INTS9: variants seen among roughly 807,000 people sequenced by gnomAD.
INTS9 encodes the protein integrator complex subunit 9.
In INTS9, 55 loss-of-function variants were observed where a neutral mutation model predicts 79.7. That is an observed-to-expected ratio of 0.69 (90% CI 0.56 to 0.86). INTS9 has a LOEUF of 0.86. Ranked by LOEUF, INTS9 falls within the 40% of genes least tolerant of loss-of-function variation. The pLI is 0.00. For synonymous variants in INTS9, 319 were observed against 325.2 expected (o/e 0.98, Z 0.20); for missense variants, 721 against 831.5 (o/e 0.87, Z 1.64).
In INTS9 at chr8:28,846,920, G is replaced by A. The variant is rs1585464417; in HGVS notation, c.199-111C>T. On this transcript the variant is annotated intron_variant, in intron 3 of 16. Transcript: ENST00000521022. Reference sequence around the variant, plus strand: ...TCATGAAGAATCATAGACTACTAGAGCTGGAGGGAAGCTGGGAGGTTATTA... The same window carrying A: ...TCATGAAGAATCATAGACTACTAGAACTGGAGGGAAGCTGGGAGGTTATTA... 6 of 812,596 alleles carry A rather than the reference G, an allele frequency of 7.4e-6. No homozygotes were observed. In the East Asian group the frequency reaches 1.5e-4, roughly 20 times the overall value. The allele number at this position is 812,596 out of a possible 1,614,324, so 50.3% of individuals were successfully genotyped here.
rs150093692 is a variant in INTS9 at position 28,831,028 on chromosome 8, T to A, written c.488+4264A>T. ...TGCAAGTGTATGTTCATTGCAGCCC[T>A]ATTCACAATAGCAAAGATATGGACT... On this transcript the variant is annotated intron_variant, in intron 6 of 16. Coordinates refer to ENST00000521022, the MANE Select transcript of INTS9 (RefSeq NM_018250.4). 7.2e-4 allele frequency among the ~76,000 whole-genome samples: 109 copies of A among 152,316 alleles called. 1 individual carries two copies. The highest frequency in any genetic ancestry group is 2.5e-3 in the African/African-American group (103 of 41,568).
chr8:28,833,166 A>G (rs1351853389), intron 6 of INTS9, among the ~76,000 whole-genome samples: 1 of 152,212 alleles, frequency 6.6e-6, no homozygotes, highest in African/African-American at 2.4e-5. Flanking sequence ...CTAGCTACAT[A>G]TTTATATTCT....
intron 1 of INTS9, among the ~76,000 whole-genome samples, chr8:28,881,318 G>T (rs1470933936): frequency 8.1e-6 from 1 of 123,210 alleles, no homozygotes. Context: ...TCAGCCCCCC[G>T]CCTGGCCAGC....
At chr8:28,812,537 C>T in intron 7 of INTS9, 76 bp from the exon 8 acceptor site, 2 of 1,490,814 alleles carry the variant, frequency 1.3e-6, no homozygotes, top group East Asian at 2.3e-5. Flanking sequence ...CAGGGAAAAA[C>T]AACAGAAATA....
intron 1 of INTS9, among the ~76,000 whole-genome samples, chr8:28,887,342 A>T (rs938318528): frequency 6.6e-6 from 1 of 152,204 alleles, no homozygotes; most frequent in East Asian, 1.9e-4. Flanking sequence ...GAGGGTTAAG[A>T]CTGAATGCAG....
intron 8 of INTS9, among the ~76,000 whole-genome samples, chr8:28,807,498 T>C (rs925076295): frequency 7.2e-5 from 11 of 152,156 alleles, no homozygotes; most frequent in Admixed American, 3.3e-4. Context: ...ATTCACCAAC[T>C]CATTCCTGGA....
intron 5 of INTS9, among the ~76,000 whole-genome samples, chr8:28,836,772 C>T (rs1327620050): frequency 2.6e-5 from 4 of 152,112 alleles, no homozygotes; most frequent in Non-Finnish European, 5.9e-5. Context: ...CCTATGAGAG[C>T]CCTTCCTCAG....
Position 28,812,467 on chromosome 8 carries a change from AG to A in INTS9, c.610-7del, listed in dbSNP as rs772936708. The A allele has an allele frequency of 2.5e-6, 4 of 1,612,842 alleles. No individual in the cohort carries two copies. In the African/African-American group the frequency reaches 5.3e-5, roughly 22 times the overall value. On this transcript the variant is annotated splice_region_variant and splice_polypyrimidine_tract_variant and intron_variant, in intron 7 of 16. Transcript: ENST00000521022. ...TGGACCGCACCAAAAAGCTCCTAAA[AG>A]AGAACCACAGTAAGAATGTGCAATG...
chr8:28,841,744 T>C (rs142994341), intron 4 of INTS9, among the ~76,000 whole-genome samples: 14 of 152,144 alleles, frequency 9.2e-5, no homozygotes, highest in Non-Finnish European at 1.9e-4. Context: ...ATACTATATA[T>C]GGTATTCTTA....
At chr8:28,796,461 C>CATTATTGTAAAATATTATATTT in intron 9 of INTS9, 83 bp downstream of exon 9, 1 of 775,976 alleles carries the variant, frequency 1.3e-6, no homozygotes, top group Non-Finnish European at 2.2e-6. Context: ...CTCCTTCCCC[C>CATTATTGTAAAATATTATATTT]ATTATTGTAA....
intron 1 of INTS9, among the ~76,000 whole-genome samples, chr8:28,887,224 A>T (rs1401630867): frequency 6.6e-6 from 1 of 152,170 alleles, no homozygotes; most frequent in African/African-American, 2.4e-5. Context: ...ATATTCAACC[A>T]AGTTAAGTGT....
At chr8:28,825,388 C>G (rs1806088763) in intron 6 of INTS9, among the ~76,000 whole-genome samples, 1 of 152,222 alleles carries the variant, frequency 6.6e-6, no homozygotes. Context: ...CAGGGCCCTG[C>G]AACAGTCATT....
At chr8:28,830,308 G>T (rs1806403083) in intron 6 of INTS9, among the ~76,000 whole-genome samples, 1 of 152,078 alleles carries the variant, frequency 6.6e-6, no homozygotes, top group Non-Finnish European at 1.5e-5. Context: ...TATTTTAAAA[G>T]AACTCTTTCA....
intron 8 of INTS9, among the ~76,000 whole-genome samples, chr8:28,810,604 C>T (rs182579321): frequency 1.3e-5 from 2 of 149,538 alleles, no homozygotes; most frequent in Non-Finnish European, 1.5e-5. Context: ...AAGACCTTCT[C>T]TCTCTCTCTC....
chr8:28,802,686 C>T (rs1804587499), intron 8 of INTS9, among the ~76,000 whole-genome samples: 2 of 152,136 alleles, frequency 1.3e-5, no homozygotes, highest in Admixed American at 6.5e-5. Flanking sequence ...AAACAATAAA[C>T]AAACTAAACC....
At chr8:28,861,593 A>G (rs1808463205) in intron 1 of INTS9, among the ~76,000 whole-genome samples, 1 of 152,260 alleles carries the variant, frequency 6.6e-6, no homozygotes, top group Admixed American at 6.5e-5. Flanking sequence ...ACATTTTTAT[A>G]ATCAGAAAAA....
chr8:28,768,977 G>C (rs991894254), intron 16 of INTS9, among the ~76,000 whole-genome samples: 1 of 152,178 alleles, frequency 6.6e-6, no homozygotes, highest in African/African-American at 2.4e-5. Context: ...CAGGACATAG[G>C]CTGGGCCAGG....
chr8:28,855,713 A>G (rs1808113190), intron 2 of INTS9, among the ~76,000 whole-genome samples: 1 of 152,246 alleles, frequency 6.6e-6, no homozygotes, highest in Non-Finnish European at 1.5e-5. Flanking sequence ...AACGGGTTAC[A>G]TAGTGAATTA....
At chr8:28,823,491 C>T (rs1349296480) in intron 6 of INTS9, among the ~76,000 whole-genome samples, 27 of 152,202 alleles carry the variant, frequency 1.8e-4, no homozygotes, top group Admixed American at 2.0e-4. Flanking sequence ...TTGTCCAACT[C>T]GGTGTCTGTG....
Sources: gnomAD v4.1 joint callset for allele counts (sites outside exome capture counted in the v4.1 genomes callset) on GRCh38, gnomAD v4.1.1 for gene constraint, MANE v1.5 for transcripts, NCBI Gene and HGNC (gene_info 2026-07-23, HGNC 2026-07-21) for gene names.